SOX14: variants seen among roughly 807,000 people sequenced by gnomAD.
SOX14 encodes the protein transcription factor SOX-14.
In SOX14, 5 loss-of-function variants were observed where a neutral mutation model predicts 14.8. That is an observed-to-expected ratio of 0.34 (90% confidence interval 0.18 to 0.71). The LOEUF (loss-of-function observed/expected upper bound fraction) is 0.71. Ranked by LOEUF, SOX14 falls within the 30% of genes least tolerant of loss-of-function variation. SOX14 has a pLI of 0.64. For synonymous variants in SOX14, 164 were observed against 146.3 expected, an observed-to-expected ratio of 1.12 and a Z score of -0.87; for missense variants, 270 against 329.7, an observed-to-expected ratio of 0.82 and a Z score of 1.40.
At position 137,765,454 on chromosome 3, in the gene SOX14, A is replaced by G. The variant is rs1466205524; in HGVS notation, c.670A>G (p.Met224Val). 1.2e-6 allele frequency: 2 copies of G among 1,613,512 alleles called. No homozygotes were observed. Among genetic ancestry groups the G allele is most frequent in the Admixed American group, 1.7e-5 (1 of 59,998 alleles). The change falls in exon 1 of 1, where the codon ATG (methionine) becomes GTG (valine). Residue 224 changes from methionine to valine, a missense_variant. Met to Val is a conservative substitution (Grantham distance 21, BLOSUM62 1). Coordinates refer to ENST00000306087, the MANE Select transcript of SOX14 (RefSeq NM_004189.4). ...CGTCGCCTACATCCTCTTCCCAGGC[A>G]TGACCAAGACTGGCATAGACCCTTA... Reference protein sequence around the residue: ...PPVAYILFPGMTKTGIDPYSS... With the variant: ...PPVAYILFPGVTKTGIDPYSS...
Position 137,764,475 on chromosome 3 carries a change from C to T in SOX14, c.-310C>T. On this transcript the variant is annotated 5_prime_UTR_variant, in exon 1 of 1. Coordinates refer to ENST00000306087, the MANE Select transcript of SOX14 (RefSeq NM_004189.4). ...TTGCCCTGGCTAAAAAATTACCTGG[C>T]CACTTAATCCCGGAGACTCCGATAC... is the stretch of plus-strand genomic sequence containing the variant. The T allele has an allele frequency of 2.8e-6, 1 of 359,712 alleles. No individual in the cohort carries two copies. The allele number at this position is 359,712 out of a possible 1,614,324, so 22.3% of individuals were successfully genotyped here.
Position 137,765,033 on chromosome 3 carries a change from C to G in SOX14, c.249C>G (p.Pro83=), listed in dbSNP as rs759300900. Residue 83 remains proline (P), a synonymous_variant, in exon 1 of 1, where the codon CCC becomes CCG. Coordinates refer to ENST00000306087, the MANE Select transcript of SOX14 (RefSeq NM_004189.4). ...PDYKYRPRRK[P]KNLLKKDRYV... ...ACAAGTACCGACCTCGGCGCAAGCC[C>G]AAGAACCTGCTCAAGAAGGACAGGT... is the stretch of plus-strand genomic sequence containing the variant. 8.7e-6 allele frequency: 14 copies of G among 1,614,146 alleles called. No homozygotes were observed. The highest frequency in any genetic ancestry group is 1.7e-5 in the Admixed American group (1 of 60,014).
chr3:137,765,312 C>T lies in SOX14; in HGVS notation c.528C>T (p.Ala176=), dbSNP rs200549264. ...CCACCCTGGGCTACCAGAACGGCGC[C>T]TTCGGCAGCCTCAGCTGCCCCAGCC... ...YASTLGYQNG[A]FGSLSCPSQH... The change falls in exon 1 of 1, where the codon GCC becomes GCT. Residue 176 remains alanine, a synonymous_variant. Coordinates refer to ENST00000306087, the MANE Select transcript of SOX14 (RefSeq NM_004189.4). The T allele has an allele frequency of 2.5e-6, 4 of 1,581,224 alleles. No homozygotes were observed. Among genetic ancestry groups the T allele is most frequent in the Non-Finnish European group, 3.4e-6 (4 of 1,164,578 alleles).
In SOX14 at chr3:137,765,510, C is replaced by T. The variant is rs763870891; in HGVS notation, c.*3C>T. 3 of 1,589,574 alleles carry T rather than the reference C, an allele frequency of 1.9e-6. No individual in the cohort carries two copies. The highest frequency in any genetic ancestry group is 8.6e-7 in the Non-Finnish European group (1 of 1,166,024). The stretch of plus-strand genomic sequence containing the variant: ...CAGCCCACGCTACGGCCATGTAACC[C>T]CCAGCCCGGCCCGGACCTGAGGCGT... On this transcript the variant is annotated 3_prime_UTR_variant, in exon 1 of 1. Transcript: ENST00000306087.
Position 137,764,617 on chromosome 3 carries a change from G to A in SOX14, c.-168G>A, listed in dbSNP as rs1312502338. 1.5e-5 allele frequency: 12 copies of A among 797,242 alleles called. No homozygotes were observed. Among genetic ancestry groups the A allele is most frequent in the African/African-American group, 3.6e-5 (2 of 55,628 alleles). 49.4% of individuals were successfully genotyped at this position (797,242 alleles called of 1,614,324 possible). ...CTGGGCGCTGGGACTGGCATGATCAGCTGAACTTTGTGGGGTCAGCGCTTC... is the reference window on the plus strand; with the variant it reads ...CTGGGCGCTGGGACTGGCATGATCAACTGAACTTTGTGGGGTCAGCGCTTC... On this transcript the variant is annotated 5_prime_UTR_variant, in exon 1 of 1. Transcript: ENST00000306087.
Position 137,765,558 on chromosome 3 carries a change from C to G in SOX14, c.*51C>G, listed in dbSNP as rs770221676. ...CGTGGTCTGAAAGCCGGGTCTGCACCCTGTCCTCTGAGCCTAGCCCCGGCC... is the reference window on the plus strand; with the variant it reads ...CGTGGTCTGAAAGCCGGGTCTGCACGCTGTCCTCTGAGCCTAGCCCCGGCC... On this transcript the variant is annotated 3_prime_UTR_variant, in exon 1 of 1. Coordinates refer to ENST00000306087, the MANE Select transcript of SOX14 (RefSeq NM_004189.4). The G allele has an allele frequency of 1.4e-5, 21 of 1,545,160 alleles. No individual in the cohort carries two copies. The highest frequency in any genetic ancestry group is 1.7e-5 in the Non-Finnish European group (20 of 1,145,138).
Position 137,764,794 on chromosome 3 carries a change from C to A in SOX14, c.10C>A (p.Pro4Thr). The A allele has an allele frequency of 6.2e-7, 1 of 1,614,078 alleles. No homozygotes were observed. Among genetic ancestry groups the A allele is most frequent in the African/African-American group, 1.3e-5 (1 of 75,026 alleles). MSK[P>T]SDHIKRPMNA... is the part of the protein sequence containing the mutation. Reference sequence around the variant, plus strand: ...CCTAGCCGCCGGGACCATGTCCAAACCTTCAGACCACATCAAGCGGCCCAT... The same window carrying A: ...CCTAGCCGCCGGGACCATGTCCAAAACTTCAGACCACATCAAGCGGCCCAT... The change falls in exon 1 of 1, where the codon CCT (proline) becomes ACT (threonine). Residue 4 changes from proline to threonine, a missense_variant. Pro to Thr is a conservative substitution (Grantham distance 38, BLOSUM62 -1). Coordinates refer to ENST00000306087, the MANE Select transcript of SOX14 (RefSeq NM_004189.4).
In SOX14 at chr3:137,765,500, C is replaced by T. The variant is rs1210590249; in HGVS notation, c.716C>T (p.Ala239Val). ...CCTTATTCGTCAGCCCACGCTACGG[C>T]CATGTAACCCCCAGCCCGGCCCGGA... ...IDPYSSAHAT[A>V]M is the part of the protein sequence containing the mutation. Residue 239 changes from alanine to valine, a missense_variant, in exon 1 of 1, where the codon GCC becomes GTC. Ala to Val is a moderately conservative substitution (Grantham distance 64). This residue lies in a region of SOX14 where 207 missense variants were observed against 210.9 expected (regional missense o/e 0.98). Transcript: ENST00000306087. The T allele has an allele frequency of 1.9e-6, 3 of 1,598,560 alleles. No homozygotes were observed. Among genetic ancestry groups the T allele is most frequent in the Admixed American group, 1.7e-5 (1 of 59,236 alleles).
At position 137,765,707 on chromosome 3, in the gene SOX14, T is replaced by G. The variant is rs1308860600; in HGVS notation, c.*200T>G. The G allele has an allele frequency of 1.7e-6, 1 of 604,628 alleles. No homozygotes were observed. The highest frequency in any genetic ancestry group is 1.9e-5 in the African/African-American group (1 of 53,368). The allele number at this position is 604,628 out of a possible 1,614,324, so 37.5% of individuals were successfully genotyped here. A position where few individuals can be genotyped will look rare whatever the true frequency, so the allele number is the denominator to read the frequency against. ...AAGGCGCAGACAGGTACCGGAAACT[T>G]GCAAACGTTATGTCAGCTACACAGC... is the stretch of plus-strand genomic sequence containing the variant. On this transcript the variant is annotated 3_prime_UTR_variant, in exon 1 of 1. Transcript: ENST00000306087.
Position 137,765,528 on chromosome 3 carries a change from T to A in SOX14, c.*21T>A. The A allele has an allele frequency of 6.4e-7, 1 of 1,572,828 alleles. No homozygotes were observed. Among genetic ancestry groups the A allele is most frequent in the Non-Finnish European group, 8.6e-7 (1 of 1,157,834 alleles). On this transcript the variant is annotated 3_prime_UTR_variant, in exon 1 of 1. Transcript: ENST00000306087. ...TGTAACCCCCAGCCCGGCCCGGACC[T>A]GAGGCGTGGTCTGAAAGCCGGGTCT... is the stretch of plus-strand genomic sequence containing the variant.
rs1275587684 is a variant in SOX14, at chr3:137,765,579, C to T, written c.*72C>T. 119 of 1,511,910 alleles carry T rather than the reference C, an allele frequency of 7.9e-5. No individual in the cohort carries two copies. The highest frequency in any genetic ancestry group is 1.0e-4 in the Non-Finnish European group (113 of 1,130,198). 93.7% of individuals were successfully genotyped at this position (1,511,910 alleles called of 1,614,324 possible). ...GCACCCTGTCCTCTGAGCCTAGCCC[C>T]GGCCTGCAGACGCCTCCGGGGTCAG... On this transcript the variant is annotated 3_prime_UTR_variant, in exon 1 of 1. Transcript: ENST00000306087.
At position 137,764,956 on chromosome 3, in the gene SOX14, A is replaced by T; in HGVS notation, c.172A>T (p.Ile58Phe). 6.2e-7 allele frequency: 1 copy of T among 1,614,278 alleles called. No individual in the cohort carries two copies. The highest frequency in any genetic ancestry group is 8.5e-7 in the Non-Finnish European group (1 of 1,180,048). The change falls in exon 1 of 1, where the codon ATC becomes TTC. Residue 58 changes from isoleucine (I) to phenylalanine (F), a missense_variant. Transcript: ENST00000306087. ...LLSEAEKRPY[I>F]DEAKRLRAQH... is the part of the protein sequence containing the mutation. ...GTCCGAGGCAGAGAAGCGGCCATACATCGATGAAGCCAAGCGGCTACGCGC... is the reference window on the plus strand; with the variant it reads ...GTCCGAGGCAGAGAAGCGGCCATACTTCGATGAAGCCAAGCGGCTACGCGC...
rs1020792903 is a variant in SOX14, at chr3:137,764,344, G to C, written c.-441G>C. On this transcript the variant is annotated 5_prime_UTR_variant, in exon 1 of 1. Transcript: ENST00000306087. ...TCAGCCAGGTGCAGCGCTAGGCGCG[G>C]CAGCTCCGGGAAAGCCACGGGAAGG... 10 of 165,206 alleles carry C rather than the reference G, an allele frequency of 6.1e-5. No individual in the cohort carries two copies. Among genetic ancestry groups the C allele is most frequent in the African/African-American group, 1.9e-4 (8 of 41,704 alleles). The allele number at this position is 165,206 out of a possible 1,614,324, so 10.2% of individuals were successfully genotyped here. A position where few individuals can be genotyped will look rare whatever the true frequency, so the allele number is the denominator to read the frequency against.
At position 137,764,724 on chromosome 3, in the gene SOX14, G is replaced by A. The variant is rs1939210012; in HGVS notation, c.-61G>A. ...GACGGACAGACAGACGGCCAGCCGC[G>A]CCCAGGCTCGTCTGCAGAACCCTTG... On this transcript the variant is annotated 5_prime_UTR_variant, in exon 1 of 1. Transcript: ENST00000306087. The A allele has an allele frequency of 1.3e-6, 2 of 1,568,914 alleles. No individual in the cohort carries two copies. Among genetic ancestry groups the A allele is most frequent in the East Asian group, 2.2e-5 (1 of 44,522 alleles).
Position 137,765,088 on chromosome 3 carries a change from A to C in SOX14, c.304A>C (p.Thr102Pro). The C allele has an allele frequency of 6.2e-7, 1 of 1,614,110 alleles. No individual in the cohort carries two copies. Among genetic ancestry groups the C allele is most frequent in the Non-Finnish European group, 8.5e-7 (1 of 1,179,976 alleles). ...CTTCCCCTTGCCCTACCTGGGCGAC[A>C]CGGACCCGCTCAAGGCGGCTGGCCT... ...YVFPLPYLGD[T>P]DPLKAAGLPV... The change falls in exon 1 of 1, where the codon ACG becomes CCG. Residue 102 changes from threonine to proline, a missense_variant. Transcript: ENST00000306087.
In SOX14 at chr3:137,765,311, C is replaced by A; in HGVS notation, c.527C>A (p.Ala176Asp). ...TCCACCCTGGGCTACCAGAACGGCG[C>A]CTTCGGCAGCCTCAGCTGCCCCAGC... is the stretch of plus-strand genomic sequence containing the variant. ...YASTLGYQNGAFGSLSCPSQH... is the reference protein window; with the variant it reads ...YASTLGYQNGDFGSLSCPSQH... Residue 176 changes from alanine (A) to aspartate (D), a missense_variant, in exon 1 of 1, where the codon GCC (alanine) becomes GAC (aspartate). This residue lies in a region of SOX14 where 207 missense variants were observed against 210.9 expected (regional missense o/e 0.98). Transcript: ENST00000306087. 6.3e-7 allele frequency: 1 copy of A among 1,580,608 alleles called. No homozygotes were observed. The highest frequency in any genetic ancestry group is 8.6e-7 in the Non-Finnish European group (1 of 1,164,216).
At position 137,765,203 on chromosome 3, in the gene SOX14, A is replaced by G. The variant is rs950681035; in HGVS notation, c.419A>G (p.Asp140Gly). ...PPASAPYSLLDPAQFSSSAIQ... is the reference protein window; with the variant it reads ...PPASAPYSLLGPAQFSSSAIQ... The stretch of plus-strand genomic sequence containing the variant: ...GCCTCGGCGCCCTACTCCCTGCTGG[A>G]CCCCGCGCAGTTTAGCTCGAGCGCC... Residue 140 changes from aspartate (D) to glycine (G), a missense_variant, in exon 1 of 1, where the codon GAC (aspartate) becomes GGC (glycine). Asp to Gly is a moderately conservative substitution (Grantham distance 94). Coordinates refer to ENST00000306087, the MANE Select transcript of SOX14 (RefSeq NM_004189.4). 1.7e-5 allele frequency: 28 copies of G among 1,612,122 alleles called. No individual in the cohort carries two copies. The highest frequency in any genetic ancestry group is 2.3e-5 in the Non-Finnish European group (27 of 1,179,390).
rs903204838 is a variant in SOX14, at chr3:137,764,774, C to A, written c.-11C>A. 1.2e-6 allele frequency: 2 copies of A among 1,612,474 alleles called. No individual in the cohort carries two copies. The highest frequency in any genetic ancestry group is 1.7e-5 in the Admixed American group (1 of 59,562). On this transcript the variant is annotated 5_prime_UTR_variant, in exon 1 of 1. Coordinates refer to ENST00000306087, the MANE Select transcript of SOX14 (RefSeq NM_004189.4). ...GCACTCCCTACCCCCACCCACCTAG[C>A]CGCCGGGACCATGTCCAAACCTTCA...
chr3:137,765,455 T>C lies in SOX14; in HGVS notation c.671T>C (p.Met224Thr), dbSNP rs772301097. 3.0e-5 allele frequency: 49 copies of C among 1,613,282 alleles called. No individual in the cohort carries two copies. In the South Asian group the frequency reaches 5.2e-4, roughly 17 times the overall value. ...GTCGCCTACATCCTCTTCCCAGGCA[T>C]GACCAAGACTGGCATAGACCCTTAT... ...PPVAYILFPG[M>T]TKTGIDPYSS... The change falls in exon 1 of 1, where the codon ATG becomes ACG. Residue 224 changes from methionine (M) to threonine (T), a missense_variant. This residue lies in a region of SOX14 where 207 missense variants were observed against 210.9 expected (regional missense o/e 0.98). Coordinates refer to ENST00000306087, the MANE Select transcript of SOX14 (RefSeq NM_004189.4).
Sources: allele counts gnomAD v4.1 joint callset, GRCh38; gene constraint gnomAD v4.1.1; regional missense constraint gnomAD v4.1.1; transcripts MANE v1.5; gene names NCBI Gene and HGNC (gene_info 2026-07-23, HGNC 2026-07-21).